Variants in PPFIA3 observed in about 807,000 individuals in gnomAD.
The protein encoded by PPFIA3 is PPFI scaffold protein A3, also known as liprin-alpha-3.
PPFIA3 carries 26 observed loss-of-function variants against 145.8 expected under a neutral mutation model. The ratio of observed to expected loss-of-function variants is 0.18; its 90% CI spans 0.13 to 0.25. PPFIA3 has a LOEUF of 0.25. Ranked by LOEUF, PPFIA3 falls within the 10% of genes least tolerant of loss-of-function variation. PPFIA3 has a pLI of 1.00. For missense variants in PPFIA3, 1,008 were observed against 1,587.8 expected (o/e 0.63, Z 6.21); for synonymous variants, 645 against 661.4 (o/e 0.98, Z 0.38).
At chr19:49,140,452 G>A (rs776420693) in intron 18 of PPFIA3, among the ~76,000 whole-genome samples, 6 of 150,918 alleles carry the variant, frequency 4.0e-5, no homozygotes, top group African/African-American at 1.2e-4. Flanking sequence ...GGGTTCAAGC[G>A]ATTCTCCTGC....
intron 16 of PPFIA3, 63 bp downstream of exon 16, chr19:49,138,490 C>T (rs1296268529): frequency 1.5e-6 from 2 of 1,366,082 alleles, no homozygotes. Flanking sequence ...GGCAGGGCTC[C>T]CCAGTGTACA....
chr19:49,126,029 C>A (rs1330788263), intron 1 of PPFIA3, among the ~76,000 whole-genome samples: 1 of 152,066 alleles, frequency 6.6e-6, no homozygotes, highest in Non-Finnish European at 1.5e-5. Context: ...TGGCTCACCG[C>A]AACCTCTGCC....
At chr19:49,122,710 A>C (rs546245341) in intron 1 of PPFIA3, among the ~76,000 whole-genome samples, 14 of 125,668 alleles carry the variant, frequency 1.1e-4, no homozygotes, top group African/African-American at 3.6e-4. Context: ...GTTGTTGTTT[A>C]GTTGTTTTTT....
chr19:49,145,774 A>C (rs117778189), intron 21 of PPFIA3, 169 bp from the exon 22 acceptor site: 15,975 of 652,548 alleles, frequency 0.024, 257 homozygotes, highest in South Asian at 0.035. Flanking sequence ...ATTGCCTGGT[A>C]CATGGCAGGT....
intron 5 of PPFIA3, 75 bp downstream of exon 5, chr19:49,129,529 T>C (rs1029837517): frequency 3.4e-6 from 5 of 1,469,088 alleles, no homozygotes; most frequent in Admixed American, 2.0e-5. Context: ...GCGGAGCCGG[T>C]TGGGTGGGTT....
rs181771151 is a variant in PPFIA3 at position 49,129,376 on chromosome 19, C to T, written c.508-4C>T. ...GCTGACTGTTGCCCTGCCCCGATCC[C>T]CAGGTCCGGGAGCGGCTGCGGATGG... is the stretch of plus-strand genomic sequence containing the variant. On this transcript the variant is annotated splice_region_variant and splice_polypyrimidine_tract_variant and intron_variant, in intron 4 of 29. Transcript: ENST00000334186. 7.7e-6 allele frequency: 12 copies of T among 1,549,860 alleles called. No individual in the cohort carries two copies. Among genetic ancestry groups the T allele is most frequent in the South Asian group, 1.2e-5 (1 of 83,990 alleles).
At chr19:49,131,142 T>C (rs1259160008) in intron 7 of PPFIA3, among the ~76,000 whole-genome samples, 6 of 142,594 alleles carry the variant, frequency 4.2e-5, no homozygotes, top group Non-Finnish European at 3.0e-5. Context: ...GGGATTACAG[T>C]AGTGAGCCAC....
At chr19:49,142,541 C>T (rs1169712279) in intron 20 of PPFIA3, among the ~76,000 whole-genome samples, 1 of 150,392 alleles carries the variant, frequency 6.6e-6, no homozygotes, top group Non-Finnish European at 1.5e-5. Flanking sequence ...TTCTTTCTCT[C>T]TCTCTCTCTT....
chr19:49,132,984 C>A lies in PPFIA3; in HGVS notation c.880-17C>A. On this transcript the variant is annotated splice_polypyrimidine_tract_variant and intron_variant, in intron 7 of 29. Coordinates refer to ENST00000334186, the MANE Select transcript of PPFIA3 (RefSeq NM_003660.4). ...CCAGGGGCTCGCAGTCCACGGGGCC[C>A]TTTGCTACCTCCGCAGGCGCTGGCG... is the stretch of plus-strand genomic sequence containing the variant. 3 of 1,607,378 alleles carry A rather than the reference C, an allele frequency of 1.9e-6. No individual in the cohort carries two copies. In the South Asian group the frequency reaches 3.3e-5, roughly 18 times the overall value.
At chr19:49,142,714 G>C in intron 20 of PPFIA3, 90 bp from the exon 21 acceptor site, 28 of 855,426 alleles carry the variant, frequency 3.3e-5, no homozygotes, top group Non-Finnish European at 4.1e-5. Context: ...CCACCCCCTT[G>C]CCTTTCCCCA....
chr19:49,126,560 CTTTTTTTTTTT>C (rs762895281), intron 1 of PPFIA3, among the ~76,000 whole-genome samples: 1 of 118,820 alleles, frequency 8.4e-6, no homozygotes, highest in Admixed American at 8.8e-5. Context: ...CCTGGCCTTG[CTTTTTTTTTTT>C]TTTTTTTTTC....
intron 16 of PPFIA3, 58 bp downstream of exon 16, chr19:49,138,485 G>T (rs915002561): frequency 1.4e-5 from 20 of 1,389,092 alleles, no homozygotes; most frequent in Non-Finnish European, 1.9e-5. Flanking sequence ...TCAGAGGCAG[G>T]GCTCCCCAGT....
Position 49,150,685 on chromosome 19 carries a change from C to G in PPFIA3, c.*463C>G, listed in dbSNP as rs1022010825. ...GACTCGCTGCTACAAGCCTCGCCCC[C>G]TGTGCCACTCAGCTCCGCCCCGCCG... On this transcript the variant is annotated 3_prime_UTR_variant, in exon 30 of 30. Transcript: ENST00000334186. The G allele has an allele frequency of 2.0e-5, 3 of 153,564 alleles. No individual in the cohort carries two copies. The highest frequency in any genetic ancestry group is 1.9e-4 in the East Asian group (1 of 5,194). The allele number at this position is 153,564 out of a possible 1,614,324, so 9.5% of individuals were successfully genotyped here. A position where few individuals can be genotyped will look rare whatever the true frequency, so the allele number is the denominator to read the frequency against.
Position 49,136,792 on chromosome 19 carries a change from TGAG to T in PPFIA3, c.1742_1744del (p.Glu581del), listed in dbSNP as rs774575328. The T allele has an allele frequency of 2.0e-5, 32 of 1,593,092 alleles. No individual in the cohort carries two copies. The highest frequency in any genetic ancestry group is 1.8e-4 in the Middle Eastern group (1 of 5,620). On this transcript the variant is annotated inframe_deletion, in exon 15 of 30. Coordinates refer to ENST00000334186, the MANE Select transcript of PPFIA3 (RefSeq NM_003660.4). ...TCCCTGGGGAACTGGACGGCTCCGATGAGGAGGAGGCAGAGGGGATGTTTGGGG... is the reference window on the plus strand; with the variant it reads ...TCCCTGGGGAACTGGACGGCTCCGATGAGGAGGCAGAGGGGATGTTTGGGG...
intron 20 of PPFIA3, 80 bp from the exon 21 acceptor site, chr19:49,142,724 A>C (rs1431681785): frequency 0.029 from 25,343 of 872,540 alleles, no homozygotes; most frequent in South Asian, 0.1. Flanking sequence ...GCCTTTCCCC[A>C]CCTCCCTGTT....
At position 49,130,573 on chromosome 19, in the gene PPFIA3, T is replaced by G. The variant is rs766428044; in HGVS notation, c.853T>G (p.Ser285Ala). 1.5e-5 allele frequency: 23 copies of G among 1,561,906 alleles called. No homozygotes were observed. Among genetic ancestry groups the G allele is most frequent in the East Asian group, 2.4e-5 (1 of 42,142 alleles). Residue 285 changes from serine to alanine, a missense_variant, in exon 7 of 30, where the codon TCC becomes GCC. Physicochemically the swap from Ser to Ala is moderately conservative, Grantham distance 99 (BLOSUM62 1). Transcript: ENST00000334186. This position sits in a 1 kb window ranked among gnomAD's most constrained non-coding sequence, Gnocchi z 4.5. ...GCTGGGCAAGGCAGAGGAAGCCAACTCCAAGCTGCAGCGCGACCTCAAGGA... is the reference window on the plus strand; with the variant it reads ...GCTGGGCAAGGCAGAGGAAGCCAACGCCAAGCTGCAGCGCGACCTCAAGGA... ...RELGKAEEAN[S>A]KLQRDLKEAL... is the part of the protein sequence containing the mutation.
Position 49,137,628 on chromosome 19 carries a change from C to CAAAAAAAAAAAAAAAAAAAAAA in PPFIA3, c.1854-568_1854-547dup, listed in dbSNP as rs3032695. ...TGGGCTACAGAGCGAGACTCCGTGT[C>CAAAAAAAAAAAAAAAAAAAAAA]AAAAAAAAAAAAAAAAAAAAAAAAA... is the stretch of plus-strand genomic sequence containing the variant. On this transcript the variant is annotated intron_variant, in intron 15 of 29. Coordinates refer to ENST00000334186, the MANE Select transcript of PPFIA3 (RefSeq NM_003660.4). Among the ~76,000 whole-genome samples, 22 of 43,784 alleles carry CAAAAAAAAAAAAAAAAAAAAAA rather than the reference C, an allele frequency of 5.0e-4. 1 individual carries two copies. The highest frequency in any genetic ancestry group is 6.2e-4 in the Non-Finnish European group (15 of 24,152). The allele number at this position is 43,784 out of a possible 152,430, so 28.7% of individuals were successfully genotyped here. A position where few individuals can be genotyped will look rare whatever the true frequency, so the allele number is the denominator to read the frequency against.
Position 49,130,479 on chromosome 19 carries a change from G to C in PPFIA3, c.759G>C (p.Arg253=). ...AGCGCGCCGAGGTGTGCCAGCTGCGGGAGCGCCTGGCGGTGCTGTGCCGTC... is the reference window on the plus strand; with the variant it reads ...AGCGCGCCGAGGTGTGCCAGCTGCGCGAGCGCCTGGCGGTGCTGTGCCGTC... The part of the protein sequence containing the change: ...ERQRAEVCQL[R]ERLAVLCRQM... The change falls in exon 7 of 30, where the codon CGG becomes CGC. Residue 253 remains arginine, a synonymous_variant. Coordinates refer to ENST00000334186, the MANE Select transcript of PPFIA3 (RefSeq NM_003660.4). This position sits in a 1 kb window ranked among gnomAD's most constrained non-coding sequence, Gnocchi z 4.5. 1 of 1,605,644 alleles carries C rather than the reference G, an allele frequency of 6.2e-7. No individual in the cohort carries two copies. The highest frequency in any genetic ancestry group is 8.5e-7 in the Non-Finnish European group (1 of 1,176,820).
At chr19:49,141,535 CGTGTGT>C (rs369230655) in intron 19 of PPFIA3, 22 bp downstream of exon 19, 2 of 1,576,088 alleles carry the variant, frequency 1.3e-6, no homozygotes, top group African/African-American at 2.7e-5. Context: ...TGAGTGTGAG[CGTGTGT>C]GTGTGTATGT....
Sources: gnomAD v4.1 joint callset for allele counts (sites outside exome capture counted in the v4.1 genomes callset) on GRCh38, gnomAD v4.1.1 for gene constraint, Gnocchi (gnomAD v3.1) non-coding constraint, MANE v1.5 for transcripts, NCBI Gene and HGNC (gene_info 2026-07-23, HGNC 2026-07-21) for gene names.